The following APTX variants were observed in gnomAD, a reference collection of about 807,000 sequenced individuals.
The protein encoded by APTX is forkhead-associated domain histidine triad-like protein.
In APTX, 33 loss-of-function variants were observed where a neutral mutation model predicts 42.3. The observed-to-expected ratio is 0.78, with a 90% confidence interval of 0.59 to 1.04. The LOEUF is 1.04. Among genes scored for constraint, APTX ranks in the 50% least tolerant of loss-of-function variants. The pLI is 0.00. For missense variants in APTX, 421 were observed against 415.1 expected, an observed-to-expected ratio of 1.01 and a Z score of -0.12; for synonymous variants, 130 against 146.7, an observed-to-expected ratio of 0.89 and a Z score of 0.82.
At chr9:32,997,242 C>T (rs1587563949) in intron 1 of APTX, 3 of 152,334 alleles carry the variant, frequency 2.0e-5, no homozygotes, top group African/African-American at 7.2e-5. Context: ...GTGGCACGTA[C>T]CTGTAGTCCC....
chr9:32,986,055 CA>C (rs748400752), intron 4 of APTX, 25 bp from the exon 5 acceptor site: 1,390 of 521,042 alleles, frequency 2.7e-3, no homozygotes, highest in Admixed American at 6.2e-3. Flanking sequence ...AAAAAAAAAA[CA>C]AAAAAAAAAA....
At chr9:33,014,460 T>C (rs1837757638) in intron 1 of APTX, among the ~76,000 whole-genome samples, 1 of 146,580 alleles carries the variant, frequency 6.8e-6, no homozygotes, top group African/African-American at 2.4e-5. Context: ...ACTTAACAGC[T>C]TAACAAAAGG....
intron 1 of APTX, among the ~76,000 whole-genome samples, chr9:33,010,591 C>T (rs1311854341): frequency 4.6e-5 from 7 of 151,796 alleles, no homozygotes; most frequent in African/African-American, 9.7e-5. Flanking sequence ...TGGTGGCAGG[C>T]GCCTGTAACC....
At chr9:32,978,869 C>T (rs1176145203) in intron 6 of APTX, among the ~76,000 whole-genome samples, 5 of 152,154 alleles carry the variant, frequency 3.3e-5, no homozygotes, top group African/African-American at 7.2e-5. Context: ...AACAGTGGTT[C>T]GCAAACCCTA....
chr9:33,008,058 G>A (rs10971306), intron 1 of APTX, among the ~76,000 whole-genome samples: 10,727 of 152,096 alleles, frequency 0.071, 511 homozygotes, highest in Non-Finnish European at 0.11. Context: ...CTATTTTCTA[G>A]TATCATTTTA....
At chr9:32,993,430 C>T (rs1587527259) in intron 1 of APTX, among the ~76,000 whole-genome samples, 1 of 152,202 alleles carries the variant, frequency 6.6e-6, no homozygotes, top group Non-Finnish European at 1.5e-5. Context: ...AAACTGAAAA[C>T]TATGACAATA....
At chr9:32,974,891 C>T (rs897083770) in intron 6 of APTX, among the ~76,000 whole-genome samples, 4 of 150,886 alleles carry the variant, frequency 2.7e-5, no homozygotes, top group African/African-American at 9.7e-5. Flanking sequence ...AATAAACAAA[C>T]AAAAAAAAAC....
chr9:33,017,045 T>G (rs1194071770), intron 1 of APTX, among the ~76,000 whole-genome samples: 1 of 152,246 alleles, frequency 6.6e-6, no homozygotes, highest in Non-Finnish European at 1.5e-5. Context: ...CTATTCATAA[T>G]ACTTTGAACC....
At chr9:33,017,166 T>C (rs1310814967) in intron 1 of APTX, among the ~76,000 whole-genome samples, 4 of 152,188 alleles carry the variant, frequency 2.6e-5, no homozygotes, top group African/African-American at 4.8e-5. Context: ...TCCAACATTA[T>C]TGCACATCCC....
At chr9:33,024,746 A>C (rs1838714819) in intron 1 of APTX, 2 of 152,108 alleles carry the variant, frequency 1.3e-5, no homozygotes, top group South Asian at 2.1e-4. Flanking sequence ...GCCTTGGACC[A>C]CGCGTGAAAA....
At chr9:33,000,182 T>C (rs1451638559) in intron 1 of APTX, among the ~76,000 whole-genome samples, 1 of 151,824 alleles carries the variant, frequency 6.6e-6, no homozygotes, top group Non-Finnish European at 1.5e-5. Context: ...GTATTAACAA[T>C]TGCTCTACAC....
chr9:33,000,897 GA>G (rs1338906830), intron 1 of APTX, among the ~76,000 whole-genome samples: 1 of 144,596 alleles, frequency 6.9e-6, no homozygotes, highest in Non-Finnish European at 1.5e-5. Flanking sequence ...GCCCAGGCTG[GA>G]GTGCAATGGC....
At chr9:33,019,701 C>A (rs1838211016) in intron 1 of APTX, 2 of 520,030 alleles carry the variant, frequency 3.8e-6, no homozygotes, top group South Asian at 3.6e-5. Context: ...CCAGGCCAGG[C>A]TTAGCGGGAA....
At chr9:32,995,547 T>C (rs982023785) in intron 1 of APTX, among the ~76,000 whole-genome samples, 1 of 152,216 alleles carries the variant, frequency 6.6e-6, no homozygotes, top group Non-Finnish European at 1.5e-5. Flanking sequence ...AAACGGTCTC[T>C]TGAGATGAAA....
Position 32,987,409 on chromosome 9 carries a change from G to A in APTX, c.483+135C>T, listed in dbSNP as rs113183061. 209 of 1,257,274 alleles carry A rather than the reference G, an allele frequency of 1.7e-4. No homozygotes were observed. In the African/African-American group the frequency reaches 2.1e-3, roughly 13 times the overall value. 77.9% of individuals were successfully genotyped at this position (1,257,274 alleles called of 1,614,324 possible). ...GAACATTCATCCAAATGATTTTCAC[G>A]CCACAAACAAGTGACTCTTTCATCA... On this transcript the variant is annotated intron_variant, in intron 4 of 7. Coordinates refer to ENST00000379817, the MANE Select transcript of APTX (RefSeq NM_001195248.2).
upstream of APTX, among the ~76,000 whole-genome samples, chr9:33,003,848 A>G (rs1016347256): frequency 6.6e-6 from 1 of 152,240 alleles, no homozygotes; most frequent in Non-Finnish European, 1.5e-5. Flanking sequence ...GTTCCTTTTT[A>G]AAGCTGAATA....
chr9:33,016,921 A>C (rs777093795), intron 1 of APTX, among the ~76,000 whole-genome samples: 3 of 152,196 alleles, frequency 2.0e-5, no homozygotes, highest in Admixed American at 1.3e-4. Flanking sequence ...CAAAATGCAT[A>C]TTCATTCATA....
chr9:32,975,805 T>C (rs1829244878), intron 6 of APTX, among the ~76,000 whole-genome samples: 1 of 152,230 alleles, frequency 6.6e-6, no homozygotes, highest in South Asian at 2.1e-4. Flanking sequence ...GTGGGTCAAC[T>C]CTTCATGTAG....
chr9:32,986,752 C>T (rs556309855), intron 4 of APTX, among the ~76,000 whole-genome samples: 10 of 152,108 alleles, frequency 6.6e-5, no homozygotes, highest in South Asian at 2.1e-4. Flanking sequence ...CTGCCCATCT[C>T]GGCCTCCCAA....
Sources: gnomAD v4.1 joint callset for allele counts (sites outside exome capture counted in the v4.1 genomes callset) on GRCh38, gnomAD v4.1.1 for gene constraint, MANE v1.5 for transcripts, NCBI Gene and HGNC (gene_info 2026-07-23, HGNC 2026-07-21) for gene names.